SLC12A7: variants seen among roughly 807,000 people sequenced by gnomAD.
SLC12A7 encodes solute carrier family 12 member 7.
Under a neutral mutation model 120.6 loss-of-function variants are expected in SLC12A7, and 100 were observed. The ratio of observed to expected loss-of-function variants is 0.83; its 90% CI spans 0.71 to 0.98. The LOEUF is 0.98. SLC12A7 is among the 50% of genes least tolerant of loss of function. The pLI is 0.00. For missense variants in SLC12A7, 1,373 were observed against 1,548.1 expected (o/e 0.89, Z 1.90); for synonymous variants, 760 against 678.0 (o/e 1.12, Z -1.88).
intron 17 of SLC12A7, among the ~76,000 whole-genome samples, chr5:1,066,929 G>A (rs1190185290): frequency 1.3e-5 from 2 of 152,142 alleles, no homozygotes; most frequent in African/African-American, 4.8e-5. Context: ...CATCACAGCA[G>A]CCCCGGGCCA....
chr5:1,085,513 C>G (rs1177068449), intron 6 of SLC12A7, 40 bp from the exon 7 acceptor site: 1 of 1,542,502 alleles, frequency 6.5e-7, no homozygotes, highest in African/African-American at 1.4e-5. Context: ...TCCCCGGACA[C>G]AACTCCCCAG....
At chr5:1,113,854 A>C (rs1473657099), upstream of SLC12A7, among the ~76,000 whole-genome samples, 2 of 152,206 alleles carry the variant, frequency 1.3e-5, no homozygotes, top group Non-Finnish European at 2.9e-5. Context: ...GCTTCTGTAC[A>C]TTCAACCCTG....
intron 3 of SLC12A7, among the ~76,000 whole-genome samples, chr5:1,089,561 C>A (rs1251278905): frequency 2.0e-4 from 29 of 144,102 alleles, no homozygotes; most frequent in African/African-American, 5.8e-4. Flanking sequence ...ACGGCTGCTG[C>A]CCATAAAGCT....
At chr5:1,079,599 C>T (rs554979476) in intron 9 of SLC12A7, 103 bp from the exon 10 acceptor site, 32 of 891,698 alleles carry the variant, frequency 3.6e-5, no homozygotes, top group African/African-American at 2.3e-4. Flanking sequence ...GGGGAGACCC[C>T]GAGCGTGAGC....
At chr5:1,131,063 G>A in the SLC12A7 span, among the ~76,000 whole-genome samples, 3 of 152,158 alleles carry the variant, frequency 2.0e-5, no homozygotes, top group African/African-American at 7.2e-5. Context: ...GGGTAGCAAG[G>A]CCTGGACTAG....
chr5:1,121,598 G>A, the SLC12A7 span, among the ~76,000 whole-genome samples: 2 of 152,248 alleles, frequency 1.3e-5, no homozygotes, highest in African/African-American at 4.8e-5. Context: ...CAGAGAGGCA[G>A]TGTGACCTCA....
chr5:1,085,677 ACGGAGCCCGCGGGGG>A (rs1739779809), intron 6 of SLC12A7, among the ~76,000 whole-genome samples: 1 of 150,748 alleles, frequency 6.6e-6, no homozygotes, highest in Non-Finnish European at 1.5e-5. Flanking sequence ...CAGGCGAGGG[ACGGAGCCCGCGGGGG>A]TCAGCGCACA....
At chr5:1,076,946 C>T (rs535028130) in intron 12 of SLC12A7, 134 bp from the exon 13 acceptor site, 12 of 671,792 alleles carry the variant, frequency 1.8e-5, no homozygotes, top group East Asian at 5.2e-5. Flanking sequence ...AGTAGGTCCC[C>T]GGGACATCAC....
At chr5:1,121,987 G>A in the SLC12A7 span, among the ~76,000 whole-genome samples, 7 of 152,198 alleles carry the variant, frequency 4.6e-5, no homozygotes, top group East Asian at 1.9e-4. Context: ...GGCACGAAGC[G>A]GGGATGGGTT....
At position 1,065,368 on chromosome 5, in the gene SLC12A7, G is replaced by T. The variant is rs368124079; in HGVS notation, c.2352C>A (p.Gly784=). 6 of 1,612,198 alleles carry T rather than the reference G, an allele frequency of 3.7e-6. No individual in the cohort carries two copies. The highest frequency in any genetic ancestry group is 5.1e-6 in the Non-Finnish European group (6 of 1,179,390). Residue 784 remains glycine (G), a synonymous_variant, in exon 18 of 24, where the codon GGC becomes GGA. Transcript: ENST00000264930. ...TGAGCACCGTGTTGTGCTTCAGGCC[G>T]CCCAGGCCGGCCGACTGGATCAGGT... ...MSHLIQSAGL[G]GLKHNTVLMA... is the part of the protein sequence containing the mutation.
chr5:1,057,749 C>G, intron 21 of SLC12A7, 100 bp from the exon 22 acceptor site: 2 of 1,157,942 alleles, frequency 1.7e-6, no homozygotes, highest in Non-Finnish European at 2.4e-6. Flanking sequence ...GCTCACAGAA[C>G]CTGAAGGGCC....
chr5:1,106,926 G>A (rs1163951947), intron 1 of SLC12A7, among the ~76,000 whole-genome samples: 1 of 152,224 alleles, frequency 6.6e-6, no homozygotes, highest in East Asian at 1.9e-4. Context: ...TGGGACCAAG[G>A]ACAGAACCAG....
the SLC12A7 span, among the ~76,000 whole-genome samples, chr5:1,126,315 C>CTGG: frequency 2.0e-5 from 3 of 152,202 alleles, no homozygotes; most frequent in African/African-American, 7.2e-5. Flanking sequence ...TCTTGAACTC[C>CTGG]TGGCCTCAGG....
At chr5:1,074,156 C>T (rs1439380491) in intron 16 of SLC12A7, among the ~76,000 whole-genome samples, 5 of 152,090 alleles carry the variant, frequency 3.3e-5, no homozygotes, top group African/African-American at 1.2e-4. Context: ...ACACCTGAAG[C>T]CCCCACCGAG....
chr5:1,095,245 G>A (rs1561095341), intron 1 of SLC12A7, among the ~76,000 whole-genome samples: 1 of 152,180 alleles, frequency 6.6e-6, no homozygotes, highest in African/African-American at 2.4e-5. Context: ...CAAGAACTCT[G>A]AGAAGTTTCT....
At chr5:1,148,004 G>C in the SLC12A7 span, among the ~76,000 whole-genome samples, 1 of 151,904 alleles carries the variant, frequency 6.6e-6, no homozygotes, top group Non-Finnish European at 1.5e-5. Flanking sequence ...CAAAGAGCTG[G>C]GATTATGCCT....
intron 17 of SLC12A7, among the ~76,000 whole-genome samples, chr5:1,067,458 A>G (rs1184065950): frequency 6.6e-6 from 1 of 152,248 alleles, no homozygotes; most frequent in East Asian, 1.9e-4. Context: ...GCTGCTTCTC[A>G]TCCCCACGAG....
intron 3 of SLC12A7, among the ~76,000 whole-genome samples, chr5:1,090,549 C>G (rs1740380956): frequency 6.6e-6 from 1 of 152,178 alleles, no homozygotes; most frequent in Non-Finnish European, 1.5e-5. Context: ...TTGGGACATT[C>G]TCATTGGATA....
intron 8 of SLC12A7, 73 bp from the exon 9 acceptor site, chr5:1,081,817 C>T: frequency 6.5e-7 from 1 of 1,539,246 alleles, no homozygotes; most frequent in South Asian, 1.2e-5. Flanking sequence ...GCCGCCCACT[C>T]CCCGGCAGGT....
Sources: gnomAD v4.1 joint callset for allele counts (sites outside exome capture counted in the v4.1 genomes callset) on GRCh38, gnomAD v4.1.1 for gene constraint, MANE v1.5 for transcripts, NCBI Gene and HGNC (gene_info 2026-07-23, HGNC 2026-07-21) for gene names.